Variants in PC observed in about 807,000 individuals in gnomAD.
PC encodes the protein pyruvate carboxylase, also known as pyruvate carboxylase, mitochondrial.
PC carries 46 observed loss-of-function variants against 107.8 expected under a neutral mutation model. The ratio of observed to expected loss-of-function variants is 0.43; its 90% CI spans 0.34 to 0.55. The LOEUF (loss-of-function observed/expected upper bound fraction) is 0.55. PC is among the 20% of genes least tolerant of loss of function. The probability of loss-of-function intolerance (pLI) is 0.04; values close to 1 mark genes in which losing one functional copy is unlikely to be tolerated. For synonymous variants in PC, 662 were observed against 684.7 expected (o/e 0.97, Z 0.52); for missense variants, 1,241 against 1,643.1 (o/e 0.76, Z 4.23).
chr11:66,858,668 C>T lies in PC; in HGVS notation c.1368+5106G>A, dbSNP rs764849455. On this transcript the variant is annotated intron_variant, in intron 12 of 22. Transcript: ENST00000393960. The surrounding 1 kb of genome is among the most constrained non-coding windows in gnomAD (Gnocchi z 5.9). ...TGCGGTGCCGGGCCCTGGGTGACCCCGCGCCTACCATGCACTGGGTCGGTC... is the reference window on the plus strand; with the variant it reads ...TGCGGTGCCGGGCCCTGGGTGACCCTGCGCCTACCATGCACTGGGTCGGTC... The T allele has an allele frequency of 6.5e-6, 10 of 1,544,500 alleles. No homozygotes were observed. In the Admixed American group the frequency reaches 1.6e-4, roughly 24 times the overall value.
At chr11:66,901,485 T>C (rs1288461790) in intron 3 of PC, among the ~76,000 whole-genome samples, 2 of 152,166 alleles carry the variant, frequency 1.3e-5, no homozygotes, top group East Asian at 1.9e-4. Context: ...TTATTTTTTT[T>C]TGGAGACAGA....
At position 66,857,379 on chromosome 11, in the gene PC, T is replaced by C. The variant is rs1945927201; in HGVS notation, c.1369-3996A>G. ...CGGGAGGTTCGGGGGGCGCCTTCTC[T>C]GGCGGGGGAGGGTATGGCGGGGAGT... On this transcript the variant is annotated intron_variant, in intron 12 of 22. Coordinates refer to ENST00000393960, the MANE Select transcript of PC (RefSeq NM_001040716.2). This position sits in a 1 kb window ranked among gnomAD's most constrained non-coding sequence, Gnocchi z 7.1. The C allele has an allele frequency of 4.9e-6, 1 of 202,366 alleles. No individual in the cohort carries two copies. Among genetic ancestry groups the C allele is most frequent in the Non-Finnish European group, 9.7e-6 (1 of 102,826 alleles). The allele number at this position is 202,366 out of a possible 1,614,324, so 12.5% of individuals were successfully genotyped here. A position where few individuals can be genotyped will look rare whatever the true frequency, so the allele number is the denominator to read the frequency against.
At chr11:66,853,137 A>T in intron 13 of PC, 102 bp downstream of exon 13, 1 of 1,336,512 alleles carries the variant, frequency 7.5e-7, no homozygotes, top group Non-Finnish European at 1.0e-6. Flanking sequence ...GGCAGGGGGC[A>T]CTAAGGAGTT....
chr11:66,914,340 C>T (rs543833561), intron 3 of PC, among the ~76,000 whole-genome samples: 7 of 152,066 alleles, frequency 4.6e-5, no homozygotes, highest in South Asian at 2.1e-4. Context: ...GGTGAAACCC[C>T]GTCTCTACTA....
In PC at chr11:66,871,352, T is replaced by C. The variant is rs1247235054; in HGVS notation, c.450A>G (p.Gly150=). The stretch of plus-strand genomic sequence containing the variant: ...CGATGGCCCGGGCCTCCACCTTGTC[T>C]CCCATCTTGCGGACCACTTCTGGGC... ...GPSPEVVRKM[G]DKVEARAIAI... The change falls in exon 6 of 23, where the codon GGA becomes GGG. Residue 150 remains glycine (G), a synonymous_variant. Transcript: ENST00000393960. This position sits in a 1 kb window ranked among gnomAD's most constrained non-coding sequence, Gnocchi z 7.4. 4.3e-6 allele frequency: 7 copies of C among 1,613,842 alleles called. No individual in the cohort carries two copies. The highest frequency in any genetic ancestry group is 5.9e-6 in the Non-Finnish European group (7 of 1,180,014).
chr11:66,884,088 T>C (rs1947275761), intron 3 of PC, among the ~76,000 whole-genome samples: 1 of 151,858 alleles, frequency 6.6e-6, no homozygotes, highest in Admixed American at 6.6e-5. Flanking sequence ...CTACTAAAAA[T>C]ACAAAATTAG....
chr11:66,916,763 G>C (rs1948472085), intron 3 of PC, among the ~76,000 whole-genome samples: 1 of 151,972 alleles, frequency 6.6e-6, no homozygotes, highest in South Asian at 2.1e-4. Flanking sequence ...GACCATCCTG[G>C]CTAACACGGT....
intron 3 of PC, among the ~76,000 whole-genome samples, chr11:66,912,662 A>G (rs547759890): frequency 1.6e-4 from 25 of 152,290 alleles, no homozygotes; most frequent in Admixed American, 5.2e-4. Flanking sequence ...ACCTCAACAC[A>G]AAATAGGCAG....
chr11:66,851,876 C>T lies in PC; in HGVS notation c.1896G>A (p.Glu632=), dbSNP rs745438957. 6.2e-6 allele frequency: 10 copies of T among 1,614,070 alleles called. No homozygotes were observed. Among genetic ancestry groups the T allele is most frequent in the Non-Finnish European group, 1.7e-6 (2 of 1,180,004 alleles). The change falls in exon 16 of 23, where the codon GAG becomes GAA. Residue 632 remains glutamate (E), a synonymous_variant. Coordinates refer to ENST00000393960, the MANE Select transcript of PC (RefSeq NM_001040716.2). The part of the protein sequence containing the change: ...CPWRRLQELR[E]LIPNIPFQML... ...TCTGGAAAGGGATGTTGGGGATGAG[C>T]TCCCGGAGCTCCTGCAGCCGCCGCC...
intron 3 of PC, among the ~76,000 whole-genome samples, chr11:66,888,498 G>C (rs1264380265): frequency 6.6e-6 from 1 of 152,246 alleles, no homozygotes; most frequent in Non-Finnish European, 1.5e-5. Flanking sequence ...AGCCAGCACA[G>C]AGGAGGCAAA....
Position 66,866,338 on chromosome 11 carries a change from A to G in PC, c.1034T>C (p.Val345Ala), listed in dbSNP as rs865985001. 6.3e-7 allele frequency: 1 copy of G among 1,586,562 alleles called. No individual in the cohort carries two copies. The highest frequency in any genetic ancestry group is 8.6e-7 in the Non-Finnish European group (1 of 1,165,420). ...VTEEITDVDLVHAQIHVAEGR... is the reference protein window; with the variant it reads ...VTEEITDVDLAHAQIHVAEGR... The stretch of plus-strand genomic sequence containing the variant: ...CTCAGCCACGTGGATCTGAGCATGG[A>G]CCAGGTCTACGCTGTAGGGCATTGG... Residue 345 changes from valine (V) to alanine (A), a missense_variant, in exon 11 of 23, where the codon GTC (valine) becomes GCC (alanine). Coordinates refer to ENST00000393960, the MANE Select transcript of PC (RefSeq NM_001040716.2). The surrounding 1 kb of genome is among the most constrained non-coding windows in gnomAD (Gnocchi z 5.4).
At position 66,861,445 on chromosome 11, in the gene PC, T is replaced by C. The variant is rs903132732; in HGVS notation, c.1368+2329A>G. On this transcript the variant is annotated intron_variant, in intron 12 of 22. Transcript: ENST00000393960. ...AGGCGCTGCCACCGGGCAGCCGAGG[T>C]GAGGCAGGTGCTCTAAGGCATACGT... 5.9e-5 allele frequency among the ~76,000 whole-genome samples: 9 copies of C among 152,292 alleles called. No individual in the cohort carries two copies. The South Asian group carries it at 1.0e-3, about 18-fold the overall frequency.
chr11:66,870,923 T>G lies in PC; in HGVS notation c.634-31A>C, dbSNP rs1436160310. Reference sequence around the variant, plus strand: ...AGGGCGGGCAGGGGCCAGCCAGACCTCAGACCCCACAGCGCTACCTCTCCC... The same window carrying G: ...AGGGCGGGCAGGGGCCAGCCAGACCGCAGACCCCACAGCGCTACCTCTCCC... On this transcript the variant is annotated intron_variant, in intron 7 of 22. Coordinates refer to ENST00000393960, the MANE Select transcript of PC (RefSeq NM_001040716.2). The surrounding 1 kb of genome is among the most constrained non-coding windows in gnomAD (Gnocchi z 6.1). The G allele has an allele frequency of 9.3e-6, 15 of 1,606,532 alleles. No individual in the cohort carries two copies. The highest frequency in any genetic ancestry group is 1.3e-5 in the Non-Finnish European group (15 of 1,176,018).
At chr11:66,864,422 G>C (rs12273065) in intron 11 of PC, among the ~76,000 whole-genome samples, 6 of 152,398 alleles carry the variant, frequency 3.9e-5, no homozygotes, top group African/African-American at 1.4e-4. Flanking sequence ...CGGCAGGCCG[G>C]CGACAGGGCC....
At chr11:66,873,446 TATATATAAA>T (rs1437607213) in intron 3 of PC, among the ~76,000 whole-genome samples, 164 of 86,754 alleles carry the variant, frequency 1.9e-3, no homozygotes, top group African/African-American at 7.3e-3. Context: ...TATATTATAT[TATATATAAA>T]ATATATATTA....
chr11:66,926,216 C>T (rs1281623927), intron 3 of PC, among the ~76,000 whole-genome samples: 1 of 152,118 alleles, frequency 6.6e-6, no homozygotes, highest in Admixed American at 6.5e-5. Flanking sequence ...TGAAATATAC[C>T]ACTTACAAAT....
rs776825183 is a variant in PC at position 66,849,037 on chromosome 11, C to T, written c.3399G>A (p.Lys1133=). 8.1e-6 allele frequency: 13 copies of T among 1,614,084 alleles called. No individual in the cohort carries two copies. The highest frequency in any genetic ancestry group is 9.3e-6 in the Non-Finnish European group (11 of 1,180,038). ...IKVVAGAKVA[K]GQPLCVLSAM... Reference sequence around the variant, plus strand: ...CACTGAGCACACACAGGGGCTGGCCCTTGGCCACCTTGGCCCCTGCCACCA... The same window carrying T: ...CACTGAGCACACACAGGGGCTGGCCTTTGGCCACCTTGGCCCCTGCCACCA... The change falls in exon 23 of 23, where the codon AAG becomes AAA. Residue 1133 remains lysine (K), a synonymous_variant. Coordinates refer to ENST00000393960, the MANE Select transcript of PC (RefSeq NM_001040716.2).
In PC at chr11:66,857,493, A is replaced by C. The variant is rs1945935562; in HGVS notation, c.1369-4110T>G. 1 of 466,248 alleles carries C rather than the reference A, an allele frequency of 2.1e-6. No homozygotes were observed. Among genetic ancestry groups the C allele is most frequent in the Middle Eastern group, 5.4e-4 (1 of 1,836 alleles). 28.9% of individuals were successfully genotyped at this position (466,248 alleles called of 1,614,324 possible). A position where few individuals can be genotyped will look rare whatever the true frequency, so the allele number is the denominator to read the frequency against. On this transcript the variant is annotated intron_variant, in intron 12 of 22. Transcript: ENST00000393960. This position sits in a 1 kb window ranked among gnomAD's most constrained non-coding sequence, Gnocchi z 7.1. ...TCGGTCCTCCTCCGCTTCCTGCCTC[A>C]TGCCTCACCTTGTCCCCAGCGCCTG...
chr11:66,904,468 G>A (rs1395611810), intron 3 of PC, among the ~76,000 whole-genome samples: 1 of 152,114 alleles, frequency 6.6e-6, no homozygotes, highest in Admixed American at 6.6e-5. Flanking sequence ...GTGAAACTCT[G>A]CCTCTAAAAA....
Sources: gnomAD v4.1 joint callset for allele counts (sites outside exome capture counted in the v4.1 genomes callset) on GRCh38, gnomAD v4.1.1 for gene constraint, Gnocchi (gnomAD v3.1) non-coding constraint, MANE v1.5 for transcripts, NCBI Gene and HGNC (gene_info 2026-07-23, HGNC 2026-07-21) for gene names.